The following MYO3B variants were observed in gnomAD, a reference collection of about 807,000 sequenced individuals.
MYO3B encodes myosin IIIB.
In MYO3B, 156 loss-of-function variants were observed where a neutral mutation model predicts 174.6. That is an observed-to-expected ratio of 0.89 (90% CI 0.78 to 1.02). The LOEUF (loss-of-function observed/expected upper bound fraction) is 1.02, where lower values mean the gene tolerates loss of function less well. Ranked by LOEUF, MYO3B falls within the 50% of genes least tolerant of loss-of-function variation. MYO3B has a pLI of 0.00. For synonymous variants in MYO3B, 563 were observed against 569.1 expected, an observed-to-expected ratio of 0.99 and a Z score of 0.15; for missense variants, 1,632 against 1,639.4, an observed-to-expected ratio of 1.00 and a Z score of 0.08.
At chr2:170,631,489 C>T (rs1696972667) in intron 32 of MYO3B, among the ~76,000 whole-genome samples, 1 of 151,980 alleles carries the variant, frequency 6.6e-6, no homozygotes, top group Admixed American at 6.6e-5. Context: ...GGATATTACC[C>T]AGGAGAACTT....
intron 7 of MYO3B, among the ~76,000 whole-genome samples, chr2:170,302,383 G>T (rs1445267666): frequency 6.6e-6 from 1 of 152,192 alleles, no homozygotes; most frequent in East Asian, 1.9e-4. Context: ...TGCCTTAAAT[G>T]GATGAGTTCT....
chr2:170,501,711 A>T, intron 27 of MYO3B, 74 bp from the exon 28 acceptor site: 1 of 1,013,472 alleles, frequency 9.9e-7, no homozygotes, highest in East Asian at 2.4e-5. Flanking sequence ...GCTGGAGGGG[A>T]AAACAGCTTA....
chr2:170,227,994 C>T (rs1265768857), intron 6 of MYO3B, among the ~76,000 whole-genome samples: 1 of 152,102 alleles, frequency 6.6e-6, no homozygotes, highest in Non-Finnish European at 1.5e-5. Flanking sequence ...TTAACATACT[C>T]TGGTGGAAAT....
At chr2:170,508,116 C>A (rs577948778) in intron 28 of MYO3B, among the ~76,000 whole-genome samples, 93 of 152,214 alleles carry the variant, frequency 6.1e-4, no homozygotes, top group African/African-American at 2.0e-3. Flanking sequence ...AACTTTTGTG[C>A]AACAGTAGGT....
chr2:170,619,737 C>CTATTTTTTT (rs1695739867), intron 32 of MYO3B, among the ~76,000 whole-genome samples: 1 of 50,778 alleles, frequency 2.0e-5, no homozygotes, highest in Non-Finnish European at 3.4e-5. Context: ...CTGCCATATT[C>CTATTTTTTT]TTTTTTTTTT....
chr2:170,334,486 A>G (rs1029957436), intron 7 of MYO3B: 3 of 152,214 alleles, frequency 2.0e-5, no homozygotes, highest in African/African-American at 7.2e-5. Context: ...GGTAAAATCA[A>G]GGATCACATA....
intron 25 of MYO3B, among the ~76,000 whole-genome samples, chr2:170,480,715 A>G (rs1420801619): frequency 1.3e-5 from 2 of 152,132 alleles, no homozygotes; most frequent in African/African-American, 4.8e-5. Context: ...GTCCAAATTG[A>G]TTTGAAGGAT....
At chr2:170,588,007 A>T (rs916245394) in intron 32 of MYO3B, among the ~76,000 whole-genome samples, 1 of 152,176 alleles carries the variant, frequency 6.6e-6, no homozygotes, top group African/African-American at 2.4e-5. Context: ...CCATATGGAC[A>T]AGTCAATGTC....
At chr2:170,250,583 A>G (rs950007348) in intron 7 of MYO3B, among the ~76,000 whole-genome samples, 3 of 152,230 alleles carry the variant, frequency 2.0e-5, no homozygotes, top group African/African-American at 7.2e-5. Flanking sequence ...TAGGTTTGCC[A>G]TCCATGGATG....
At chr2:170,559,581 A>G (rs1042367591) in intron 32 of MYO3B, among the ~76,000 whole-genome samples, 1 of 152,202 alleles carries the variant, frequency 6.6e-6, no homozygotes, top group African/African-American at 2.4e-5. Context: ...CAATTTTTTA[A>G]AAAGAACAGA....
chr2:170,627,901 T>C lies in MYO3B; in HGVS notation c.3734-23727T>C, dbSNP rs925221997. Among the ~76,000 whole-genome samples, 20 of 152,264 alleles carry C rather than the reference T, an allele frequency of 1.3e-4. No individual in the cohort carries two copies. In the South Asian group the frequency reaches 3.9e-3, roughly 30 times the overall value. ...ACAGCAAATATTGCTGTCTGATCGT[T>C]TTTCTGGAGGTTTCGTCTCAGAGGG... On this transcript the variant is annotated intron_variant, in intron 32 of 34. Coordinates refer to ENST00000408978, the MANE Select transcript of MYO3B (RefSeq NM_138995.5).
chr2:170,250,665 T>G (rs1046894983), intron 7 of MYO3B, among the ~76,000 whole-genome samples: 3 of 152,218 alleles, frequency 2.0e-5, no homozygotes, highest in Admixed American at 6.5e-5. Context: ...GACAGCCTTC[T>G]GTATCCAGAG....
At chr2:170,379,703 T>C (rs1167548525) in intron 9 of MYO3B, among the ~76,000 whole-genome samples, 1 of 152,182 alleles carries the variant, frequency 6.6e-6, no homozygotes, top group African/African-American at 2.4e-5. Context: ...CACAGATAAA[T>C]AATTCTGTTT....
intron 25 of MYO3B, among the ~76,000 whole-genome samples, chr2:170,474,743 C>CAAAAAAAAAAAAAAAAAA (rs55913448): frequency 8.0e-5 from 3 of 37,590 alleles, no homozygotes; most frequent in Admixed American, 4.4e-4. Context: ...AACTCCGTCT[C>CAAAAAAAAAAAAAAAAAA]AAAAAAAAAA....
chr2:170,587,680 T>G (rs1461008994), intron 32 of MYO3B, among the ~76,000 whole-genome samples: 1 of 152,198 alleles, frequency 6.6e-6, no homozygotes, highest in Non-Finnish European at 1.5e-5. Flanking sequence ...CAGAAGCACA[T>G]TCTTCTCAGT....
intron 32 of MYO3B, among the ~76,000 whole-genome samples, chr2:170,649,149 T>C (rs1236405370): frequency 1.4e-5 from 1 of 71,144 alleles, no homozygotes; most frequent in Non-Finnish European, 2.3e-5. Flanking sequence ...TATAATATAT[T>C]ATATATAAAA....
intron 32 of MYO3B, among the ~76,000 whole-genome samples, chr2:170,597,687 A>G (rs1282802058): frequency 6.6e-6 from 1 of 152,218 alleles, no homozygotes. Flanking sequence ...GACTACAGTC[A>G]TGAACCCTAA....
intron 29 of MYO3B, among the ~76,000 whole-genome samples, chr2:170,518,444 C>T (rs2106136203): frequency 6.6e-6 from 1 of 152,264 alleles, no homozygotes; most frequent in South Asian, 2.1e-4. Context: ...TGGGTAGTGA[C>T]TACTTGGAAC....
intron 22 of MYO3B, among the ~76,000 whole-genome samples, chr2:170,432,721 C>T (rs369481444): frequency 8.6e-5 from 13 of 151,884 alleles, no homozygotes; most frequent in South Asian, 2.1e-4. Flanking sequence ...GGACTACAGG[C>T]GCCTGCCACC....
Sources: allele counts gnomAD v4.1 joint callset (sites outside exome capture counted in the v4.1 genomes callset), GRCh38; gene constraint gnomAD v4.1.1; transcripts MANE v1.5; gene names NCBI Gene and HGNC (gene_info 2026-07-23, HGNC 2026-07-21).